CLDN14: variants seen among roughly 807,000 people sequenced by gnomAD.
CLDN14 encodes the protein claudin 14.
CLDN14 carries 2 observed loss-of-function variants against 2.1 expected under a neutral mutation model. The observed-to-expected ratio is 0.96, with a 90% CI of 0.39 to 3.01. The LOEUF is 3.01. CLDN14 is among the 30% of genes most tolerant of loss of function. The pLI is 0.09. For missense variants in CLDN14, 298 were observed against 328.0 expected (o/e 0.91, Z 0.71); for synonymous variants, 136 against 154.4 (o/e 0.88, Z 0.88).
intron 2 of CLDN14, among the ~76,000 whole-genome samples, chr21:36,505,279 T>C (rs906774470): frequency 2.0e-5 from 3 of 152,228 alleles, no homozygotes; most frequent in African/African-American, 4.8e-5. Context: ...TCAATTCTTT[T>C]AGTATTTTAC....
chr21:36,475,114 G>A (rs1056589339), intron 1 of CLDN14, among the ~76,000 whole-genome samples: 5 of 152,120 alleles, frequency 3.3e-5, no homozygotes, highest in African/African-American at 1.2e-4. Context: ...GTGGTCCTGC[G>A]GGTACCATAG....
At chr21:36,538,537 C>T (rs950502835) in intron 1 of CLDN14, among the ~76,000 whole-genome samples, 1 of 152,122 alleles carries the variant, frequency 6.6e-6, no homozygotes, top group African/African-American at 2.4e-5. Context: ...TCGCTTGAAC[C>T]CGGAAGATGG....
intron 2 of CLDN14, among the ~76,000 whole-genome samples, chr21:36,507,563 A>G (rs1328967665): frequency 6.6e-6 from 1 of 152,224 alleles, no homozygotes; most frequent in African/African-American, 2.4e-5. Context: ...CAGAAGTTTG[A>G]GACCAGCCTG....
intron 1 of CLDN14, among the ~76,000 whole-genome samples, chr21:36,465,336 G>C (rs999029463): frequency 2.0e-5 from 3 of 152,200 alleles, no homozygotes; most frequent in Non-Finnish European, 4.4e-5. Context: ...GTTTATTGGA[G>C]GTCTAAATAT....
intron 1 of CLDN14, among the ~76,000 whole-genome samples, chr21:36,463,747 CAATA>C (rs1193057322): frequency 6.6e-6 from 1 of 152,166 alleles, no homozygotes; most frequent in African/African-American, 2.4e-5. Context: ...TAAAATAAAT[CAATA>C]AATAAATCCT....
chr21:36,486,789 C>G, intron 2 of CLDN14: 1 of 777,638 alleles, frequency 1.3e-6, no homozygotes, highest in East Asian at 2.6e-5. Context: ...TCTTGTGATT[C>G]TTGCCCCGTC....
intron 2 of CLDN14, among the ~76,000 whole-genome samples, chr21:36,508,485 G>A (rs1601616641): frequency 6.6e-6 from 1 of 152,168 alleles, no homozygotes; most frequent in African/African-American, 2.4e-5. Context: ...GTAGGAAGCC[G>A]GAATTAAGCT....
intron 1 of CLDN14, among the ~76,000 whole-genome samples, chr21:36,574,130 A>G (rs969817225): frequency 6.6e-6 from 1 of 152,214 alleles, no homozygotes; most frequent in Non-Finnish European, 1.5e-5. Context: ...CAGATTTGGA[A>G]GACTTAAATA....
chr21:36,485,000 C>CCATGTCTGGCTAATT (rs1450841786), upstream of CLDN14, among the ~76,000 whole-genome samples: 33 of 151,780 alleles, frequency 2.2e-4, no homozygotes, highest in South Asian at 6.3e-4. Context: ...GCATGAGCCA[C>CCATGTCTGGCTAATT]TGTACTGGGC....
chr21:36,498,891 A>C lies in CLDN14; in HGVS notation c.-82+11472T>G, dbSNP rs1023785558. Among the ~76,000 whole-genome samples, 2 of 152,060 alleles carry C rather than the reference A, an allele frequency of 1.3e-5. No individual in the cohort carries two copies. The highest frequency in any genetic ancestry group is 2.9e-5 in the Non-Finnish European group (2 of 68,008). On this transcript the variant is annotated intron_variant, in intron 2 of 2. Coordinates refer to the CLDN14 transcript ENST00000342108. The surrounding 1 kb of genome is among the most constrained non-coding windows in gnomAD (Gnocchi z 4.9). ...AGGCTTGATTCCTGCCTGAGGTGCC[A>C]GGAACCTGTCCCTTTCTTCTAGGTG...
At chr21:36,497,548 A>G (rs1397669028) in intron 2 of CLDN14, among the ~76,000 whole-genome samples, 1 of 151,812 alleles carries the variant, frequency 6.6e-6, no homozygotes. Flanking sequence ...CTTATCTTTC[A>G]GCAAACTCCA....
chr21:36,479,443 CTG>C (rs1366541948), intron 1 of CLDN14, 50 bp downstream of exon 1: 2 of 152,278 alleles, frequency 1.3e-5, no homozygotes, highest in Non-Finnish European at 2.9e-5. Flanking sequence ...AAACAGATGA[CTG>C]TCAACCCCAG....
chr21:36,557,367 A>G (rs1284442980), intron 1 of CLDN14, among the ~76,000 whole-genome samples: 1 of 152,222 alleles, frequency 6.6e-6, no homozygotes, highest in Non-Finnish European at 1.5e-5. Context: ...AGGAAACTCC[A>G]TGCTGTTTTC....
Position 36,544,042 on chromosome 21 carries a change from G to A in CLDN14, c.-220+32369C>T, listed in dbSNP as rs2087510723. 1.3e-5 allele frequency among the ~76,000 whole-genome samples: 2 copies of A among 152,218 alleles called. No individual in the cohort carries two copies. Among genetic ancestry groups the A allele is most frequent in the African/African-American group, 2.4e-5 (1 of 41,462 alleles). On this transcript the variant is annotated intron_variant, in intron 1 of 2. Coordinates refer to the CLDN14 transcript ENST00000342108. This position sits in a 1 kb window ranked among gnomAD's most constrained non-coding sequence, Gnocchi z 4.1. ...TGGATTCAACCGTCTGTGCTGAGCC[G>A]CACCTGCACTGGCTGAATTGCTAGC... is the stretch of plus-strand genomic sequence containing the variant.
chr21:36,518,495 A>T (rs1010358783), intron 1 of CLDN14, among the ~76,000 whole-genome samples: 2 of 152,060 alleles, frequency 1.3e-5, no homozygotes, highest in African/African-American at 2.4e-5. Context: ...AGCTACTCAG[A>T]AGGCTGAGGT....
intron 1 of CLDN14, among the ~76,000 whole-genome samples, chr21:36,523,573 C>T (rs1044055027): frequency 2.2e-4 from 33 of 151,496 alleles, no homozygotes; most frequent in African/African-American, 7.5e-4. Context: ...ATGGCAAAAC[C>T]CCATTCCTAC....
intron 1 of CLDN14, among the ~76,000 whole-genome samples, chr21:36,543,015 C>CG (rs1220717510): frequency 6.6e-6 from 1 of 152,162 alleles, no homozygotes; most frequent in African/African-American, 2.4e-5. Flanking sequence ...CACAACCTGG[C>CG]GGGGGCAGGG....
chr21:36,559,235 CTT>C (rs1332983392), intron 1 of CLDN14, among the ~76,000 whole-genome samples: 2 of 151,848 alleles, frequency 1.3e-5, no homozygotes, highest in Non-Finnish European at 1.5e-5. Context: ...AAGTTTCGCT[CTT>C]GTCGCCCAGG....
chr21:36,572,237 T>C (rs1023703076), intron 1 of CLDN14, among the ~76,000 whole-genome samples: 9 of 152,186 alleles, frequency 5.9e-5, no homozygotes, highest in African/African-American at 1.7e-4. Flanking sequence ...AGCCCTGGCG[T>C]AACCTGAATC....
Sources: allele counts gnomAD v4.1 joint callset (sites outside exome capture counted in the v4.1 genomes callset), GRCh38; gene constraint gnomAD v4.1.1; non-coding constraint Gnocchi (gnomAD v3.1); transcripts MANE v1.5; gene names NCBI Gene and HGNC (gene_info 2026-07-23, HGNC 2026-07-21).